Variants in ARHGAP42 observed in about 807,000 individuals in gnomAD.
The protein encoded by ARHGAP42 is rho GTPase-activating protein 42.
ARHGAP42 carries 63 observed loss-of-function variants against 125.0 expected under a neutral mutation model. The ratio of observed to expected loss-of-function variants is 0.50; its 90% confidence interval spans 0.41 to 0.62. The LOEUF is 0.62. Among genes scored for constraint, ARHGAP42 ranks in the 20% least tolerant of loss-of-function variants. The probability of loss-of-function intolerance (pLI) is 0.00; values close to 1 mark genes in which losing one functional copy is unlikely to be tolerated. For synonymous variants in ARHGAP42, 339 were observed against 351.0 expected, an observed-to-expected ratio of 0.97 and a Z score of 0.38; for missense variants, 766 against 1,024.2, an observed-to-expected ratio of 0.75 and a Z score of 3.44.
At chr11:100,732,019 A>G (rs1187770514) in intron 1 of ARHGAP42, among the ~76,000 whole-genome samples, 2 of 149,718 alleles carry the variant, frequency 1.3e-5, no homozygotes, top group African/African-American at 4.9e-5. Context: ...CAATGACGTG[A>G]TCTCAGCTCA....
intron 2 of ARHGAP42, among the ~76,000 whole-genome samples, chr11:100,772,177 G>A (rs921276769): frequency 6.6e-6 from 1 of 152,106 alleles, no homozygotes; most frequent in Non-Finnish European, 1.5e-5. Flanking sequence ...TGAAACAAAA[G>A]GGCAATGTTA....
At chr11:100,975,278 A>T (rs941657077) in intron 19 of ARHGAP42, among the ~76,000 whole-genome samples, 2 of 152,188 alleles carry the variant, frequency 1.3e-5, no homozygotes, top group African/African-American at 2.4e-5. Flanking sequence ...CATTACCATG[A>T]TGTGCTTATT....
intron 4 of ARHGAP42, among the ~76,000 whole-genome samples, chr11:100,875,073 G>GTCTCTCTCTC (rs143461552): frequency 2.1e-4 from 23 of 110,494 alleles, no homozygotes; most frequent in African/African-American, 5.4e-4. Context: ...CTAATCCACT[G>GTCTCTCTCTC]TCTCTCTCTC....
intron 1 of ARHGAP42, among the ~76,000 whole-genome samples, chr11:100,690,659 C>T (rs1014873606): frequency 6.6e-6 from 1 of 152,038 alleles, no homozygotes; most frequent in Non-Finnish European, 1.5e-5. Context: ...TGCAGTGGTG[C>T]GATCTCGGCT....
chr11:100,860,628 A>T (rs73569794), intron 4 of ARHGAP42, among the ~76,000 whole-genome samples: 2 of 151,910 alleles, frequency 1.3e-5, no homozygotes, highest in Non-Finnish European at 2.9e-5. Flanking sequence ...CTTACCCTTT[A>T]CTTTTTGAAG....
chr11:100,851,174 G>T (rs928256214), intron 3 of ARHGAP42, among the ~76,000 whole-genome samples: 14 of 152,244 alleles, frequency 9.2e-5, no homozygotes, highest in African/African-American at 2.9e-4. Context: ...GAGCCACTGC[G>T]CCTGGCCAGG....
At chr11:100,976,757 T>G in intron 20 of ARHGAP42, 58 bp from the exon 21 acceptor site, 1 of 1,532,398 alleles carries the variant, frequency 6.5e-7, no homozygotes, top group Non-Finnish European at 8.8e-7. Flanking sequence ...CATGTACGTG[T>G]TATTGCTATT....
rs568673176 is a variant in ARHGAP42 at position 100,914,223 on chromosome 11, C to T, written c.486+670C>T. Among the ~76,000 whole-genome samples, 12 of 152,292 alleles carry T rather than the reference C, an allele frequency of 7.9e-5. No homozygotes were observed. The South Asian group carries it at 2.5e-3, about 32-fold the overall frequency. The stretch of plus-strand genomic sequence containing the variant: ...GTGCTGGGATCACAGGCATGAACCA[C>T]TGTGCCCCACCGCTACATGTTTTAA... On this transcript the variant is annotated intron_variant, in intron 5 of 23. Transcript: ENST00000298815.
chr11:100,728,755 T>TATATATATATATATATAC (rs1364139152), intron 1 of ARHGAP42, among the ~76,000 whole-genome samples: 2 of 108,726 alleles, frequency 1.8e-5, no homozygotes, highest in Non-Finnish European at 4.0e-5. Flanking sequence ...TATATATATA[T>TATATATATATATATATAC]ATGCACACTT....
chr11:100,980,802 C>G (rs1245426621), intron 22 of ARHGAP42, among the ~76,000 whole-genome samples: 1 of 151,660 alleles, frequency 6.6e-6, no homozygotes. Flanking sequence ...AACTCCTGAC[C>G]TCAGGTGATC....
intron 3 of ARHGAP42, among the ~76,000 whole-genome samples, chr11:100,831,188 A>G (rs920207358): frequency 2.0e-5 from 3 of 152,138 alleles, no homozygotes; most frequent in African/African-American, 7.2e-5. Context: ...GGGGGCCAGT[A>G]ACACCTACTC....
At chr11:100,944,030 C>T (rs371402843) in intron 10 of ARHGAP42, among the ~76,000 whole-genome samples, 162 bp downstream of exon 10, 5 of 152,050 alleles carry the variant, frequency 3.3e-5, no homozygotes, top group East Asian at 3.9e-4. Context: ...ATGATGCTTT[C>T]GAAAAAGCAA....
chr11:100,789,986 A>C (rs1456284729), intron 2 of ARHGAP42, among the ~76,000 whole-genome samples: 1 of 152,166 alleles, frequency 6.6e-6, no homozygotes, highest in African/African-American at 2.4e-5. Context: ...CGTAGTTTTA[A>C]AATATGTAAA....
intron 5 of ARHGAP42, among the ~76,000 whole-genome samples, chr11:100,914,799 T>A (rs1867021558): frequency 1.3e-5 from 2 of 152,192 alleles, no homozygotes; most frequent in Admixed American, 6.5e-5. Context: ...GGTCCTCAGC[T>A]CTCTTTATTC....
intron 1 of ARHGAP42, among the ~76,000 whole-genome samples, chr11:100,735,459 A>G (rs1862046825): frequency 6.6e-6 from 1 of 152,182 alleles, no homozygotes; most frequent in African/African-American, 2.4e-5. Flanking sequence ...GCTTTAAAAA[A>G]GAATAGGAAA....
intron 5 of ARHGAP42, among the ~76,000 whole-genome samples, chr11:100,914,530 C>CAAT (rs1867012985): frequency 6.6e-6 from 1 of 152,022 alleles, no homozygotes. Context: ...ACAACAACAA[C>CAAT]AACAACAAAT....
In ARHGAP42 at chr11:100,971,901, T is replaced by A. The variant is rs75339034; in HGVS notation, c.1551-1274T>A. ...GCTTACCCAACTTCCAAGAGATGGA[T>A]CCAAGCTCTGAATCTAGATAGGCTT... On this transcript the variant is annotated intron_variant, in intron 17 of 23. Coordinates refer to ENST00000298815, the MANE Select transcript of ARHGAP42 (RefSeq NM_152432.4). Among the ~76,000 whole-genome samples the A allele has an allele frequency of 3.3e-3, 497 of 152,284 alleles. 2 individuals carry two copies. The highest frequency in any genetic ancestry group is 0.012 in the African/African-American group (482 of 41,562).
At chr11:100,724,365 T>A (rs895060369) in intron 1 of ARHGAP42, among the ~76,000 whole-genome samples, 20 of 152,198 alleles carry the variant, frequency 1.3e-4, no homozygotes, top group Non-Finnish European at 2.2e-4. Flanking sequence ...TTTTTACTTC[T>A]ATTTCTGTAA....
At chr11:100,943,136 A>G (rs965179537) in intron 9 of ARHGAP42, among the ~76,000 whole-genome samples, 1 of 151,940 alleles carries the variant, frequency 6.6e-6, no homozygotes, top group Admixed American at 6.6e-5. Context: ...ATCACATTGT[A>G]TTAGGTTGGT....
Sources: allele counts gnomAD v4.1 joint callset (sites outside exome capture counted in the v4.1 genomes callset), GRCh38; gene constraint gnomAD v4.1.1; transcripts MANE v1.5; gene names NCBI Gene and HGNC (gene_info 2026-07-23, HGNC 2026-07-21).